The following NUDCD3 variants were observed in gnomAD, a reference collection of about 807,000 sequenced individuals.
The protein encoded by NUDCD3 is NudC domain containing 3.
In NUDCD3, 13 loss-of-function variants were observed where a neutral mutation model predicts 39.7. That is an observed-to-expected ratio of 0.33 (90% CI 0.21 to 0.52). The LOEUF (loss-of-function observed/expected upper bound fraction) is 0.52. Among genes scored for constraint, NUDCD3 ranks in the 20% least tolerant of loss-of-function variants. The probability of loss-of-function intolerance (pLI) is 0.96; values close to 1 mark genes in which losing one functional copy is unlikely to be tolerated. For missense variants in NUDCD3, 453 were observed against 458.1 expected (o/e 0.99, Z 0.10); for synonymous variants, 175 against 172.4 (o/e 1.02, Z -0.12).
intron 4 of NUDCD3, among the ~76,000 whole-genome samples, chr7:44,401,772 C>G (rs1431144543): frequency 6.6e-6 from 1 of 152,066 alleles, no homozygotes; most frequent in African/African-American, 2.4e-5. Context: ...TGAAAGCTAA[C>G]TAAAAAAACT....
intron 2 of NUDCD3, among the ~76,000 whole-genome samples, chr7:44,429,290 G>T (rs557291272): frequency 1.3e-5 from 2 of 152,190 alleles, no homozygotes; most frequent in Non-Finnish European, 2.9e-5. Context: ...TCTTTACACA[G>T]GTGATGCAGT....
intron 2 of NUDCD3, among the ~76,000 whole-genome samples, chr7:44,478,316 C>T (rs1800420917): frequency 6.6e-6 from 1 of 152,088 alleles, no homozygotes; most frequent in Non-Finnish European, 1.5e-5. Context: ...TTTGGGAGAC[C>T]GAGATGGGTG....
At chr7:44,414,657 G>C (rs1348964823) in intron 3 of NUDCD3, among the ~76,000 whole-genome samples, 1 of 152,110 alleles carries the variant, frequency 6.6e-6, no homozygotes, top group Non-Finnish European at 1.5e-5. Context: ...ACAAGTTTTT[G>C]CTTTTGAACA....
chr7:44,382,645 C>T lies in NUDCD3; in HGVS notation c.*3366G>A, dbSNP rs1798324851. 1 of 152,316 alleles carries T rather than the reference C, an allele frequency of 6.6e-6. No individual in the cohort carries two copies. Among genetic ancestry groups the T allele is most frequent in the East Asian group, 1.9e-4 (1 of 5,192 alleles). The allele number at this position is 152,316 out of a possible 1,614,324, so 9.4% of individuals were successfully genotyped here. A position where few individuals can be genotyped will look rare whatever the true frequency, so the allele number is the denominator to read the frequency against. ...ACCGTGGGCCACATGGGCTGCTTGA[C>T]CTCTGACCACCAAGGAGGGAGTTTC... On this transcript the variant is annotated 3_prime_UTR_variant, in exon 6 of 6. Transcript: ENST00000355451.
intron 2 of NUDCD3, among the ~76,000 whole-genome samples, chr7:44,446,403 C>A (rs1799691386): frequency 6.6e-6 from 1 of 152,216 alleles, no homozygotes; most frequent in Non-Finnish European, 1.5e-5. Context: ...AGTACTTTTC[C>A]GTTCTCATTA....
intron 3 of NUDCD3, among the ~76,000 whole-genome samples, chr7:44,415,004 T>C (rs1193914276): frequency 6.6e-6 from 1 of 152,140 alleles, no homozygotes; most frequent in Non-Finnish European, 1.5e-5. Flanking sequence ...TCACAATCTA[T>C]GAGAGGAAGA....
chr7:44,417,450 CTT>C (rs1016064494), intron 3 of NUDCD3, among the ~76,000 whole-genome samples: 1 of 152,138 alleles, frequency 6.6e-6, no homozygotes, highest in African/African-American at 2.4e-5. Flanking sequence ...ACCTGGGTCT[CTT>C]GAGTCAAAAA....
At position 44,490,571 on chromosome 7, in the gene NUDCD3, G is replaced by A. The variant is rs772065077; in HGVS notation, c.30C>T (p.Asp10=). The change falls in exon 1 of 6, where the codon GAC becomes GAT. Residue 10 remains aspartate (D), a synonymous_variant. Transcript: ENST00000355451. ...GCTGCAGGATGCCCAAAAGGGCCTG[G>A]TCATACAGCTCGGCCGCCCCTGTCT... The part of the protein sequence containing the change: METGAAELY[D]QALLGILQHV... 1.9e-6 allele frequency: 3 copies of A among 1,611,328 alleles called. No individual in the cohort carries two copies. Among genetic ancestry groups the A allele is most frequent in the South Asian group, 2.2e-5 (2 of 90,654 alleles).
At chr7:44,459,673 T>C (rs1052680240) in intron 2 of NUDCD3, among the ~76,000 whole-genome samples, 4 of 152,208 alleles carry the variant, frequency 2.6e-5, no homozygotes, top group Admixed American at 1.3e-4. Context: ...CACACATCTA[T>C]AACATATGGT....
In NUDCD3 at chr7:44,392,171, C is replaced by T; in HGVS notation, c.975+126G>A. 3 of 853,682 alleles carry T rather than the reference C, an allele frequency of 3.5e-6. No homozygotes were observed. In the South Asian group the frequency reaches 5.1e-5, roughly 15 times the overall value. 52.9% of individuals were successfully genotyped at this position (853,682 alleles called of 1,614,324 possible). A position where few individuals can be genotyped will look rare whatever the true frequency, so the allele number is the denominator to read the frequency against. On this transcript the variant is annotated intron_variant, in intron 5 of 5. Coordinates refer to ENST00000355451, the MANE Select transcript of NUDCD3 (RefSeq NM_015332.4). Reference sequence around the variant, plus strand: ...AGACAGGTTCCTTGCTAGGCTAGGACATGGCAGGAAGCTGGTCCACACAAC... The same window carrying T: ...AGACAGGTTCCTTGCTAGGCTAGGATATGGCAGGAAGCTGGTCCACACAAC...
chr7:44,419,051 A>AC (rs1408034091), intron 3 of NUDCD3, among the ~76,000 whole-genome samples: 1 of 151,172 alleles, frequency 6.6e-6, no homozygotes, highest in Non-Finnish European at 1.5e-5. Context: ...TTGTTTTCAT[A>AC]CCCCAGTGGC....
chr7:44,468,069 T>A, intron 2 of NUDCD3: 1 of 1,612,218 alleles, frequency 6.2e-7, no homozygotes, highest in Non-Finnish European at 8.5e-7. Context: ...ATGCCCAACA[T>A]TGGTTATGGG....
Position 44,419,224 on chromosome 7 carries a change from G to A in NUDCD3, c.642+8347C>T, listed in dbSNP as rs139151854. ...CAGTGCTAAAGAGGCCTGGAAGCTC[G>A]GACTGGGTGGAACTCAACACAGCGT... is the stretch of plus-strand genomic sequence containing the variant. On this transcript the variant is annotated intron_variant, in intron 3 of 5. Coordinates refer to ENST00000355451, the MANE Select transcript of NUDCD3 (RefSeq NM_015332.4). Among the ~76,000 whole-genome samples, 892 of 152,202 alleles carry A rather than the reference G, an allele frequency of 5.9e-3. 8 individuals carry two copies. Among genetic ancestry groups the A allele is most frequent in the African/African-American group, 0.02 (838 of 41,522 alleles).
intron 2 of NUDCD3, among the ~76,000 whole-genome samples, chr7:44,446,710 A>G (rs1244446156): frequency 6.6e-6 from 1 of 152,244 alleles, no homozygotes; most frequent in East Asian, 1.9e-4. Flanking sequence ...ACTTCAAGCC[A>G]TAATAGTCAC....
At chr7:44,416,829 C>A (rs1320507387) in intron 3 of NUDCD3, among the ~76,000 whole-genome samples, 1 of 152,196 alleles carries the variant, frequency 6.6e-6, no homozygotes, top group Non-Finnish European at 1.5e-5. Flanking sequence ...AGCTCCAGAG[C>A]AAGCCTTGAT....
At chr7:44,483,767 A>T (rs772867838) in intron 2 of NUDCD3, among the ~76,000 whole-genome samples, 2 of 152,228 alleles carry the variant, frequency 1.3e-5, no homozygotes, top group African/African-American at 2.4e-5. Context: ...AAAAAAACAA[A>T]AACTCCCCCA....
At chr7:44,405,159 T>C (rs1798795289) in intron 3 of NUDCD3, among the ~76,000 whole-genome samples, 1 of 152,202 alleles carries the variant, frequency 6.6e-6, no homozygotes. Context: ...GGAAGGCAGC[T>C]ATGCTCACCA....
chr7:44,407,089 G>C (rs754394279), intron 3 of NUDCD3, among the ~76,000 whole-genome samples: 1 of 151,960 alleles, frequency 6.6e-6, no homozygotes, highest in Admixed American at 6.6e-5. Flanking sequence ...TGTGTGTCAA[G>C]TGAAGTCCTA....
rs552239474 is a variant in NUDCD3, at chr7:44,387,757, T to C, written c.976-1636A>G. On this transcript the variant is annotated intron_variant, in intron 5 of 5. Transcript: ENST00000355451. The stretch of plus-strand genomic sequence containing the variant: ...ACTTGATCTTACAACAGAGGGATCC[T>C]AGGGTGCCAAGATCAGCACTCAGAC... 2.7e-3 allele frequency among the ~76,000 whole-genome samples: 418 copies of C among 152,218 alleles called. 3 individuals are homozygous for C. Among genetic ancestry groups the C allele is most frequent in the Non-Finnish European group, 5.1e-3 (349 of 67,956 alleles).
Sources: gnomAD v4.1 joint callset for allele counts (sites outside exome capture counted in the v4.1 genomes callset) on GRCh38, gnomAD v4.1.1 for gene constraint, MANE v1.5 for transcripts, NCBI Gene and HGNC (gene_info 2026-07-23, HGNC 2026-07-21) for gene names.